TRIM71: variants seen among roughly 807,000 people sequenced by gnomAD.
TRIM71 encodes the protein E3 ubiquitin-protein ligase TRIM71.
In TRIM71, 9 loss-of-function variants were observed where a neutral mutation model predicts 61.2. The ratio of observed to expected loss-of-function variants is 0.15; its 90% CI spans 0.09 to 0.26. TRIM71 has a LOEUF of 0.26. Among genes scored for constraint, TRIM71 ranks in the 10% least tolerant of loss-of-function variants. TRIM71 has a pLI of 1.00. For missense variants in TRIM71, 998 were observed against 1,238.7 expected, an observed-to-expected ratio of 0.81 and a Z score of 2.92; for synonymous variants, 645 against 553.2, an observed-to-expected ratio of 1.17 and a Z score of -2.33.
At chr3:32,885,407 C>T (rs1696949486) in intron 2 of TRIM71, among the ~76,000 whole-genome samples, 1 of 152,102 alleles carries the variant, frequency 6.6e-6, no homozygotes, top group South Asian at 2.1e-4. Flanking sequence ...GGGGGATATT[C>T]CCAGTGTGCA....
intron 1 of TRIM71, among the ~76,000 whole-genome samples, chr3:32,846,136 C>T (rs1416649330): frequency 1.5e-5 from 2 of 133,718 alleles, no homozygotes; most frequent in African/African-American, 2.9e-5. Context: ...AGTGCAGTGG[C>T]GCGATCTTGG....
intron 1 of TRIM71, among the ~76,000 whole-genome samples, chr3:32,828,166 C>T (rs973470533): frequency 6.6e-6 from 1 of 151,830 alleles, no homozygotes; most frequent in Non-Finnish European, 1.5e-5. Context: ...TTGGTCTGTG[C>T]CCTCCGAGAT....
chr3:32,870,397 C>T (rs953230223), intron 1 of TRIM71, among the ~76,000 whole-genome samples: 3 of 152,116 alleles, frequency 2.0e-5, no homozygotes, highest in African/African-American at 7.2e-5. Flanking sequence ...TTGCAGGCGG[C>T]CTGGAGCTGT....
At position 32,834,840 on chromosome 3, in the gene TRIM71, CA is replaced by C. The variant is rs528733347; in HGVS notation, c.852+15917del. 6.6e-4 allele frequency among the ~76,000 whole-genome samples: 99 copies of C among 150,172 alleles called. 1 individual carries two copies. The highest frequency in any genetic ancestry group is 4.6e-4 in the Admixed American group (7 of 15,066). On this transcript the variant is annotated intron_variant, in intron 1 of 3. Transcript: ENST00000383763. Reference sequence around the variant, plus strand: ...CTGGTGACAGAGCGAGACTCCATCTCAAAAAAAAAGGGGATGGTGTTCACAT... The same window carrying C: ...CTGGTGACAGAGCGAGACTCCATCTCAAAAAAAAGGGGATGGTGTTCACAT...
intron 2 of TRIM71, among the ~76,000 whole-genome samples, chr3:32,879,692 G>T (rs144901377): frequency 6.7e-6 from 1 of 148,616 alleles, no homozygotes; most frequent in Non-Finnish European, 1.5e-5. Flanking sequence ...AAAAAAACTG[G>T]CTGAGTACTG....
rs35654776 is a variant in TRIM71, at chr3:32,847,190, ATT to A, written c.853-26606_853-26605del. On this transcript the variant is annotated intron_variant, in intron 1 of 3. Transcript: ENST00000383763. ...CAGGCTCTCGCCGCCAGGTCCAGCAATTTTTTTTTTTTTTTTTTTTTTTGAGA... is the reference window on the plus strand; with the variant it reads ...CAGGCTCTCGCCGCCAGGTCCAGCAATTTTTTTTTTTTTTTTTTTTTGAGA... Among the ~76,000 whole-genome samples the A allele has an allele frequency of 5.3e-3, 570 of 107,088 alleles. 4 individuals are homozygous for A. Among genetic ancestry groups the A allele is most frequent in the East Asian group, 0.023 (70 of 3,022 alleles). The allele number at this position is 107,088 out of a possible 152,430, so 70.3% of individuals were successfully genotyped here. A position where few individuals can be genotyped will look rare whatever the true frequency, so the allele number is the denominator to read the frequency against.
chr3:32,876,651 A>G (rs1211457372), intron 2 of TRIM71, among the ~76,000 whole-genome samples: 1 of 152,184 alleles, frequency 6.6e-6, no homozygotes, highest in African/African-American at 2.4e-5. Context: ...TTGTGATATG[A>G]TTTTATTAAC....
At chr3:32,879,670 C>G (rs1162127214) in intron 2 of TRIM71, among the ~76,000 whole-genome samples, 3 of 61,000 alleles carry the variant, frequency 4.9e-5, no homozygotes, top group Non-Finnish European at 9.5e-5. Context: ...TCTTCAATTT[C>G]TTAAAAAAAA....
chr3:32,887,249 A>C, intron 3 of TRIM71, among the ~76,000 whole-genome samples: 1 of 152,090 alleles, frequency 6.6e-6, no homozygotes. Flanking sequence ...AGGCTGACCC[A>C]CTGTCCTCTC....
chr3:32,882,547 T>G (rs1696920575), intron 2 of TRIM71, among the ~76,000 whole-genome samples: 1 of 152,040 alleles, frequency 6.6e-6, no homozygotes, highest in Non-Finnish European at 1.5e-5. Context: ...TATTATCATA[T>G]TATATATTTG....
At chr3:32,840,742 C>T (rs1408481065) in intron 1 of TRIM71, among the ~76,000 whole-genome samples, 3 of 152,040 alleles carry the variant, frequency 2.0e-5, no homozygotes, top group Non-Finnish European at 2.9e-5. Context: ...GAATGGCTGC[C>T]TCCTGGAATG....
At chr3:32,853,120 CTTTT>C (rs57169750) in intron 1 of TRIM71, among the ~76,000 whole-genome samples, 38 of 97,172 alleles carry the variant, frequency 3.9e-4, no homozygotes, top group Non-Finnish European at 4.8e-4. Flanking sequence ...CTCTCTCTCT[CTTTT>C]TTTTTTTTTT....
At chr3:32,848,799 A>G (rs1449540855) in intron 1 of TRIM71, among the ~76,000 whole-genome samples, 1 of 152,116 alleles carries the variant, frequency 6.6e-6, no homozygotes, top group Admixed American at 6.6e-5. Flanking sequence ...CACCTTGGTT[A>G]GCTGAGACTT....
Position 32,851,423 on chromosome 3 carries a change from C to T in TRIM71, c.853-22395C>T, listed in dbSNP as rs1407841251. Among the ~76,000 whole-genome samples, 8 of 152,146 alleles carry T rather than the reference C, an allele frequency of 5.3e-5. No homozygotes were observed. The South Asian group carries it at 1.7e-3, about 31-fold the overall frequency. On this transcript the variant is annotated intron_variant, in intron 1 of 3. Transcript: ENST00000383763. ...AGTTCTTTGAAGACTTAGCGTTGTC[C>T]TCCTCACCTTTAATTAATGAAAGTG...
Position 32,839,299 on chromosome 3 carries a change from C to T in TRIM71, c.852+20367C>T, listed in dbSNP as rs180702048. Reference sequence around the variant, plus strand: ...AGGCTGGAGTGCAGTGGCATCATCTCGGCTCACTGCAACCTCTGCCTCCCG... The same window carrying T: ...AGGCTGGAGTGCAGTGGCATCATCTTGGCTCACTGCAACCTCTGCCTCCCG... On this transcript the variant is annotated intron_variant, in intron 1 of 3. Transcript: ENST00000383763. 5.5e-4 allele frequency among the ~76,000 whole-genome samples: 84 copies of T among 151,996 alleles called. 2 individuals carry two copies. The highest frequency in any genetic ancestry group is 1.0e-3 in the Non-Finnish European group (70 of 67,958).
At chr3:32,828,374 G>C (rs1161469844) in intron 1 of TRIM71, among the ~76,000 whole-genome samples, 1 of 152,112 alleles carries the variant, frequency 6.6e-6, no homozygotes, top group Non-Finnish European at 1.5e-5. Context: ...CTGATTCTAG[G>C]TTAGATTCTG....
rs1230382089 is a variant in TRIM71 at position 32,818,552 on chromosome 3, C to T, written c.472C>T (p.Pro158Ser). 21 of 1,262,846 alleles carry T rather than the reference C, an allele frequency of 1.7e-5. No homozygotes were observed. Among genetic ancestry groups the T allele is most frequent in the Admixed American group, 4.3e-5 (1 of 23,292 alleles). The allele number at this position is 1,262,846 out of a possible 1,614,324, so 78.2% of individuals were successfully genotyped here. A position where few individuals can be genotyped will look rare whatever the true frequency, so the allele number is the denominator to read the frequency against. Reference sequence around the variant, plus strand: ...CCGGCACCACGCTCACCACGCGCACCCGCGCGCGTCCGCCTCCGCGCCGCC... The same window carrying T: ...CCGGCACCACGCTCACCACGCGCACTCGCGCGCGTCCGCCTCCGCGCCGCC... ...NHRHHAHHAH[P>S]RASASAPPLP... is the part of the protein sequence containing the mutation. The change falls in exon 1 of 4, where the codon CCG becomes TCG. Residue 158 changes from proline to serine, a missense_variant. By Grantham distance (74) the Pro-to-Ser change is moderately conservative. Around this residue, in one of 5 missense-constraint regions of TRIM71, gnomAD observed 527 missense variants for 427.8 expected, o/e 1.23. Transcript: ENST00000383763.
At chr3:32,827,418 A>G (rs1259939329) in intron 1 of TRIM71, among the ~76,000 whole-genome samples, 2 of 151,784 alleles carry the variant, frequency 1.3e-5, no homozygotes, top group African/African-American at 4.8e-5. Flanking sequence ...ATGCACCACC[A>G]TGCCTGACTA....
intron 2 of TRIM71, among the ~76,000 whole-genome samples, chr3:32,882,383 C>T (rs1696919230): frequency 6.6e-6 from 1 of 152,080 alleles, no homozygotes; most frequent in South Asian, 2.1e-4. Flanking sequence ...ACCAACACAT[C>T]TAAAAATATA....
Sources: gnomAD v4.1 joint callset for allele counts (sites outside exome capture counted in the v4.1 genomes callset) on GRCh38, gnomAD v4.1.1 for gene constraint, gnomAD v4.1.1 regional missense constraint, MANE v1.5 for transcripts, NCBI Gene and HGNC (gene_info 2026-07-23, HGNC 2026-07-21) for gene names.